Variants in OIP5 observed in about 807,000 individuals in gnomAD.
OIP5 encodes the protein protein Mis18-beta.
OIP5 carries 24 observed loss-of-function variants against 20.3 expected under a neutral mutation model. The observed-to-expected ratio is 1.18, with a 90% confidence interval of 0.86 to 1.66. The LOEUF is 1.66. OIP5 is among the 40% of genes most tolerant of loss of function. The pLI, the probability that OIP5 is intolerant of heterozygous loss-of-function variation, is 0.00. For synonymous variants in OIP5, 143 were observed against 121.3 expected (o/e 1.18, Z -1.17); for missense variants, 339 against 289.5 (o/e 1.17, Z -1.24).
intron 2 of OIP5, among the ~76,000 whole-genome samples, chr15:41,324,735 C>A (rs1289339257): frequency 6.6e-6 from 1 of 152,146 alleles, no homozygotes; most frequent in African/African-American, 2.4e-5. Context: ...GTGATCCACC[C>A]GCCTCAGTCT....
intron 1 of OIP5, 129 bp downstream of exon 1, chr15:41,332,111 A>C: frequency 7.5e-7 from 1 of 1,337,360 alleles, no homozygotes; most frequent in Non-Finnish European, 1.1e-6. Context: ...TCCCCAGGCC[A>C]AGGAGTTATT....
chr15:41,314,290 T>TGG, intron 3 of OIP5, among the ~76,000 whole-genome samples: 1 of 152,070 alleles, frequency 6.6e-6, no homozygotes, highest in South Asian at 2.1e-4. Context: ...TTAGTAGAGA[T>TGG]GGGGTTTCAC....
At chr15:41,325,603 C>A (rs1203020968) in intron 2 of OIP5, among the ~76,000 whole-genome samples, 1 of 151,242 alleles carries the variant, frequency 6.6e-6, no homozygotes, top group Non-Finnish European at 1.5e-5. Context: ...GTAATCCCAG[C>A]ACTATGGGAA....
intron 3 of OIP5, 114 bp from the exon 4 acceptor site, chr15:41,313,468 T>G: frequency 1.6e-6 from 1 of 620,104 alleles, no homozygotes; most frequent in Non-Finnish European, 2.8e-6. Context: ...TCTTAATGAT[T>G]TTCATTTCAA....
intron 3 of OIP5, among the ~76,000 whole-genome samples, chr15:41,317,412 GCT>G (rs1343576994): frequency 2.1e-5 from 3 of 146,046 alleles, no homozygotes; most frequent in African/African-American, 7.6e-5. Context: ...ACAGAGTCTC[GCT>G]CTGTTGCCAG....
intron 2 of OIP5, among the ~76,000 whole-genome samples, 198 bp from the exon 3 acceptor site, chr15:41,319,978 C>T (rs1480296253): frequency 6.6e-6 from 1 of 152,010 alleles, no homozygotes; most frequent in East Asian, 1.9e-4. Flanking sequence ...TTGCGGATAC[C>T]CTCGTATATT....
chr15:41,320,644 T>C (rs994789880), intron 2 of OIP5, among the ~76,000 whole-genome samples: 3 of 152,032 alleles, frequency 2.0e-5, no homozygotes, highest in Non-Finnish European at 2.9e-5. Flanking sequence ...AACCTCCACC[T>C]CCCAGCCGCC....
chr15:41,318,047 A>G (rs1301867247), intron 3 of OIP5, among the ~76,000 whole-genome samples: 3 of 152,162 alleles, frequency 2.0e-5, no homozygotes, highest in African/African-American at 7.2e-5. Flanking sequence ...CATGATACAA[A>G]TATACAAGGC....
intron 2 of OIP5, among the ~76,000 whole-genome samples, chr15:41,331,136 G>A (rs2047903520): frequency 6.6e-6 from 1 of 152,152 alleles, no homozygotes; most frequent in Non-Finnish European, 1.5e-5. Flanking sequence ...GAATCAAACT[G>A]GTCAGAATGA....
intron 2 of OIP5, among the ~76,000 whole-genome samples, chr15:41,326,752 T>C (rs186199019): frequency 3.3e-4 from 50 of 152,244 alleles, no homozygotes; most frequent in Middle Eastern, 3.4e-3. Flanking sequence ...CTTACCACAG[T>C]AGGTACTACG....
intron 2 of OIP5, among the ~76,000 whole-genome samples, chr15:41,322,180 T>C (rs1255333576): frequency 6.6e-6 from 1 of 152,166 alleles, no homozygotes; most frequent in Non-Finnish European, 1.5e-5. Context: ...TCACACCTAC[T>C]GTAATCCCAG....
In OIP5 at chr15:41,326,559, C is replaced by T. The variant is rs554459937; in HGVS notation, c.389+5356G>A. Among the ~76,000 whole-genome samples the T allele has an allele frequency of 5.3e-5, 8 of 152,288 alleles. No individual in the cohort carries two copies. The South Asian group carries it at 1.7e-3, about 32-fold the overall frequency. Reference sequence around the variant, plus strand: ...CTGACTCGGCCTCCCAAGTGAGTAGCTGGGATTACAGGCGTGCACCACCAC... The same window carrying T: ...CTGACTCGGCCTCCCAAGTGAGTAGTTGGGATTACAGGCGTGCACCACCAC... On this transcript the variant is annotated intron_variant, in intron 2 of 4. Coordinates refer to ENST00000220514, the MANE Select transcript of OIP5 (RefSeq NM_007280.2).
chr15:41,329,882 G>A (rs1595504657), intron 2 of OIP5, among the ~76,000 whole-genome samples: 8 of 149,528 alleles, frequency 5.4e-5, no homozygotes, highest in Admixed American at 4.7e-4. Flanking sequence ...TGTATTTCTA[G>A]TAGAAACAGT....
rs374036062 is a variant in OIP5, at chr15:41,332,531, G to T, written c.31C>A (p.Arg11Ser). 1.2e-6 allele frequency: 2 copies of T among 1,611,300 alleles called. No homozygotes were observed. Among genetic ancestry groups the T allele is most frequent in the African/African-American group, 2.7e-5 (2 of 74,816 alleles). Residue 11 changes from arginine (R) to serine (S), a missense_variant, in exon 1 of 5, where the codon CGT becomes AGT. Physicochemically the swap from Arg to Ser is moderately radical, Grantham distance 110. Transcript: ENST00000220514. ...TCCCCCCGGGGCGGCGTTGCACAACGTGAGCGATGCCGCAGCGGCTGAGCC... is the reference window on the plus strand; with the variant it reads ...TCCCCCCGGGGCGGCGTTGCACAACTTGAGCGATGCCGCAGCGGCTGAGCC... MAAQPLRHRSRCATPPRGDFC... is the reference protein window; with the variant it reads MAAQPLRHRSSCATPPRGDFC...
intron 4 of OIP5, among the ~76,000 whole-genome samples, chr15:41,312,627 ATTTTTT>A (rs907153998): frequency 7.9e-6 from 1 of 127,028 alleles, no homozygotes; most frequent in Non-Finnish European, 1.6e-5. Context: ...GACCGGCTAA[ATTTTTT>A]TTTTTTTTTT....
chr15:41,324,157 C>T (rs961144670), intron 2 of OIP5, among the ~76,000 whole-genome samples: 1 of 151,894 alleles, frequency 6.6e-6, no homozygotes, highest in South Asian at 2.1e-4. Context: ...CCACATCCGG[C>T]TAAATTTTTT....
At chr15:41,322,755 C>T (rs1298302486) in intron 2 of OIP5, among the ~76,000 whole-genome samples, 3 of 151,858 alleles carry the variant, frequency 2.0e-5, no homozygotes, top group Non-Finnish European at 2.9e-5. Flanking sequence ...GCCAACGTGG[C>T]GAAACCCTGT....
intron 2 of OIP5, among the ~76,000 whole-genome samples, chr15:41,326,775 C>T (rs1213463434): frequency 2.0e-5 from 3 of 152,250 alleles, no homozygotes; most frequent in South Asian, 4.1e-4. Context: ...TCTAACCATC[C>T]GTGCTGAGCT....
chr15:41,332,333 C>G lies in OIP5; in HGVS notation c.229G>C (p.Val77Leu). ...GCGTGACACTGTGCGCACTGGAACA[C>G]AGCGCACCTCTCAGGCTGCAGCCAA... ...PSWLQPERCA[V>L]FQCAQCHAVL... Residue 77 changes from valine to leucine, a missense_variant, in exon 1 of 5, where the codon GTG (valine) becomes CTG (leucine). Physicochemically the swap from Val to Leu is conservative, Grantham distance 32. Transcript: ENST00000220514. 1.2e-6 allele frequency: 2 copies of G among 1,611,710 alleles called. No individual in the cohort carries two copies. Among genetic ancestry groups the G allele is most frequent in the Middle Eastern group, 1.7e-4 (1 of 6,050 alleles).
Sources: gnomAD v4.1 joint callset for allele counts (sites outside exome capture counted in the v4.1 genomes callset) on GRCh38, gnomAD v4.1.1 for gene constraint, MANE v1.5 for transcripts, NCBI Gene and HGNC (gene_info 2026-07-23, HGNC 2026-07-21) for gene names.